Variants in VTI1A observed in about 807,000 individuals in gnomAD.
VTI1A encodes vesicle transport through interaction with t-SNAREs 1A.
Under a neutral mutation model 34.9 loss-of-function variants are expected in VTI1A, and 22 were observed. The ratio of observed to expected loss-of-function variants is 0.63; its 90% CI spans 0.45 to 0.90. The LOEUF (loss-of-function observed/expected upper bound fraction) is 0.90, where lower values mean the gene tolerates loss of function less well. VTI1A is among the 40% of genes least tolerant of loss of function. VTI1A has a pLI of 0.00. For missense variants in VTI1A, 268 were observed against 275.6 expected, an observed-to-expected ratio of 0.97 and a Z score of 0.20; for synonymous variants, 87 against 97.3, an observed-to-expected ratio of 0.89 and a Z score of 0.62.
chr10:112,625,359 C>A (rs781251506), intron 5 of VTI1A, among the ~76,000 whole-genome samples: 11 of 152,134 alleles, frequency 7.2e-5, no homozygotes, highest in Admixed American at 2.0e-4. Flanking sequence ...AAAACCAGGC[C>A]GGGCGCGGCG....
chr10:112,466,988 A>G (rs1847919198), intron 3 of VTI1A, among the ~76,000 whole-genome samples: 2 of 152,164 alleles, frequency 1.3e-5, no homozygotes, highest in Admixed American at 6.5e-5. Flanking sequence ...GTATTGAATT[A>G]AGGCCCACAC....
At chr10:112,548,323 A>T (rs1851214111) in intron 5 of VTI1A, among the ~76,000 whole-genome samples, 1 of 152,086 alleles carries the variant, frequency 6.6e-6, no homozygotes, top group Non-Finnish European at 1.5e-5. Flanking sequence ...TTCTCATTAA[A>T]TTTTTTTAAT....
rs75969926 is a variant in VTI1A at position 112,593,294 on chromosome 10, C to G, written c.427+54964C>G. ...GGCATCAATATTTTTTAAAGCTTCC[C>G]AGCTATTTCTGAAGACTGTGAACAA... On this transcript the variant is annotated intron_variant, in intron 5 of 7. Transcript: ENST00000393077. Among the ~76,000 whole-genome samples, 52 of 152,276 alleles carry G rather than the reference C, an allele frequency of 3.4e-4. No homozygotes were observed. In the East Asian group the frequency reaches 9.5e-3, roughly 28 times the overall value.
intron 5 of VTI1A, among the ~76,000 whole-genome samples, chr10:112,587,086 C>T (rs1844188377): frequency 6.6e-6 from 1 of 152,104 alleles, no homozygotes; most frequent in African/African-American, 2.4e-5. Flanking sequence ...TGGGCCCTGA[C>T]ACTATGTATG....
rs1853524897 is a variant in VTI1A, at chr10:112,816,438, T to C, written c.*1055T>C. On this transcript the variant is annotated 3_prime_UTR_variant, in exon 8 of 8. Coordinates refer to ENST00000393077, the MANE Select transcript of VTI1A (RefSeq NM_145206.4). ...CTTTAAAAGAATAGAGGATGGCAGA[T>C]TGTTCCAAAAGGAATGGCTTGGGTT... The C allele has an allele frequency of 4.4e-6, 1 of 224,748 alleles. No individual in the cohort carries two copies. The highest frequency in any genetic ancestry group is 5.7e-5 in the Admixed American group (1 of 17,480). The allele number at this position is 224,748 out of a possible 1,614,324, so 13.9% of individuals were successfully genotyped here. A position where few individuals can be genotyped will look rare whatever the true frequency, so the allele number is the denominator to read the frequency against.
At chr10:112,740,709 T>A (rs775360900) in intron 7 of VTI1A, among the ~76,000 whole-genome samples, 6 of 152,380 alleles carry the variant, frequency 3.9e-5, no homozygotes, top group Non-Finnish European at 5.9e-5. Context: ...GGAATGCTCA[T>A]GTGCTGCTGG....
Position 112,727,256 on chromosome 10 carries a change from C to T in VTI1A, c.560+58258C>T, listed in dbSNP as rs115960927. Among the ~76,000 whole-genome samples, 401 of 152,244 alleles carry T rather than the reference C, an allele frequency of 2.6e-3. 1 individual carries two copies. The highest frequency in any genetic ancestry group is 9.0e-3 in the African/African-American group (372 of 41,548). ...TGAAACCCAGAGTACCTTTACTCACCCTACTACCTTGTTGTTTTAGCCTGT... is the reference window on the plus strand; with the variant it reads ...TGAAACCCAGAGTACCTTTACTCACTCTACTACCTTGTTGTTTTAGCCTGT... On this transcript the variant is annotated intron_variant, in intron 7 of 7. Coordinates refer to ENST00000393077, the MANE Select transcript of VTI1A (RefSeq NM_145206.4).
chr10:112,528,342 A>C (rs1171479196), intron 4 of VTI1A, among the ~76,000 whole-genome samples: 4 of 152,040 alleles, frequency 2.6e-5, no homozygotes, highest in African/African-American at 7.2e-5. Context: ...ACCCACCCCC[A>C]AAAAAGAGAG....
chr10:112,511,558 C>T (rs1849610550), intron 3 of VTI1A, among the ~76,000 whole-genome samples: 1 of 151,976 alleles, frequency 6.6e-6, no homozygotes, highest in African/African-American at 2.4e-5. Flanking sequence ...AGATTTTTTA[C>T]ATATTTGTAT....
chr10:112,677,879 A>G (rs1234875520), intron 7 of VTI1A: 1 of 152,244 alleles, frequency 6.6e-6, no homozygotes, highest in Non-Finnish European at 1.5e-5. Context: ...TCGCTTCTCT[A>G]TTGTGAGATA....
At chr10:112,540,030 G>A (rs893815844) in intron 5 of VTI1A, among the ~76,000 whole-genome samples, 1 of 152,162 alleles carries the variant, frequency 6.6e-6, no homozygotes, top group Non-Finnish European at 1.5e-5. Context: ...CCATTGGTCA[G>A]CCTCTTTCCA....
At chr10:112,535,721 G>A (rs1043515453) in intron 4 of VTI1A, among the ~76,000 whole-genome samples, 1 of 152,160 alleles carries the variant, frequency 6.6e-6, no homozygotes, top group African/African-American at 2.4e-5. Flanking sequence ...TGAGAAGAGG[G>A]TGAGAGAATG....
chr10:112,666,865 G>C (rs767328524), intron 5 of VTI1A, among the ~76,000 whole-genome samples: 20 of 152,088 alleles, frequency 1.3e-4, no homozygotes, highest in Non-Finnish European at 2.4e-4. Flanking sequence ...GCTAAATATT[G>C]TAACTGAATT....
chr10:112,480,698 G>A (rs978888012), intron 3 of VTI1A, among the ~76,000 whole-genome samples: 5 of 152,174 alleles, frequency 3.3e-5, no homozygotes, highest in African/African-American at 1.2e-4. Context: ...TTTGGGGAGG[G>A]ATAGTGGAAG....
At chr10:112,831,176 T>C in the VTI1A span, 3 of 152,008 alleles carry the variant, frequency 2.0e-5, no homozygotes, top group Non-Finnish European at 2.9e-5. Context: ...TATTGTTGAA[T>C]GAATGAATGA....
At chr10:112,774,779 C>T (rs961355644) in intron 7 of VTI1A, among the ~76,000 whole-genome samples, 5 of 152,114 alleles carry the variant, frequency 3.3e-5, no homozygotes, top group Non-Finnish European at 4.4e-5. Flanking sequence ...ATTATTGGGA[C>T]AACACAATTA....
the VTI1A span, chr10:112,831,961 C>T: frequency 6.6e-6 from 1 of 152,200 alleles, no homozygotes; most frequent in Non-Finnish European, 1.5e-5. Context: ...CCGCTGTACA[C>T]TCAGCAGCCC....
intron 3 of VTI1A, among the ~76,000 whole-genome samples, chr10:112,469,594 C>T (rs912549169): frequency 6.6e-5 from 10 of 152,052 alleles, no homozygotes; most frequent in African/African-American, 2.4e-4. Flanking sequence ...TTTGAGTAGC[C>T]CTACTTTTAT....
At chr10:112,636,984 T>G (rs1275720332) in intron 5 of VTI1A, among the ~76,000 whole-genome samples, 1 of 152,218 alleles carries the variant, frequency 6.6e-6, no homozygotes, top group Non-Finnish European at 1.5e-5. Context: ...GGCCAGTCTA[T>G]TCTTCTAGAA....
Sources: allele counts gnomAD v4.1 joint callset (sites outside exome capture counted in the v4.1 genomes callset), GRCh38; gene constraint gnomAD v4.1.1; transcripts MANE v1.5; gene names NCBI Gene and HGNC (gene_info 2026-07-23, HGNC 2026-07-21).